The following CDH4 variants were observed in gnomAD, a reference collection of about 807,000 sequenced individuals.
The protein encoded by CDH4 is cadherin-4.
A neutral mutation model predicts 86.0 loss-of-function variants in CDH4; 33 were observed. The ratio of observed to expected loss-of-function variants is 0.38; its 90% confidence interval spans 0.29 to 0.51. The LOEUF is 0.51. Among genes scored for constraint, CDH4 ranks in the 20% least tolerant of loss-of-function variants. CDH4 has a pLI of 0.86. For synonymous variants in CDH4, 555 were observed against 549.4 expected, an observed-to-expected ratio of 1.01 and a Z score of -0.14; for missense variants, 1,114 against 1,307.4, an observed-to-expected ratio of 0.85 and a Z score of 2.28.
At chr20:61,909,337 GC>G (rs930146807) in intron 8 of CDH4, among the ~76,000 whole-genome samples, 3 of 152,186 alleles carry the variant, frequency 2.0e-5, no homozygotes, top group Non-Finnish European at 4.4e-5. Flanking sequence ...GAGCCACAGT[GC>G]CCAGCAGAAG....
intron 2 of CDH4, among the ~76,000 whole-genome samples, chr20:61,422,647 C>A (rs990841800): frequency 6.6e-6 from 1 of 152,090 alleles, no homozygotes; most frequent in African/African-American, 2.4e-5. Flanking sequence ...GGAGAACTTA[C>A]GGATCTGGCT....
At chr20:61,474,675 A>G (rs2085524813) in intron 2 of CDH4, among the ~76,000 whole-genome samples, 1 of 152,082 alleles carries the variant, frequency 6.6e-6, no homozygotes, top group African/African-American at 2.4e-5. Flanking sequence ...CCTTTCTTTA[A>G]AATGTAATTA....
chr20:61,714,611 C>T (rs992534415), intron 2 of CDH4, among the ~76,000 whole-genome samples: 2 of 152,174 alleles, frequency 1.3e-5, no homozygotes, highest in Non-Finnish European at 2.9e-5. Flanking sequence ...CTCTCCATGA[C>T]TTTGTGCTCC....
chr20:61,582,959 C>G lies in CDH4; in HGVS notation c.170-160604C>G, dbSNP rs1326384383. ...CGCCCCCATGGCCCCCGGCCCTAGGCAGCCACTAATCTACTTTCTGTCTCT... is the reference window on the plus strand; with the variant it reads ...CGCCCCCATGGCCCCCGGCCCTAGGGAGCCACTAATCTACTTTCTGTCTCT... On this transcript the variant is annotated intron_variant, in intron 2 of 15. Transcript: ENST00000614565. The surrounding 1 kb of genome is among the most constrained non-coding windows in gnomAD (Gnocchi z 4.2). 6.6e-6 allele frequency among the ~76,000 whole-genome samples: 1 copy of G among 152,078 alleles called. No homozygotes were observed. The highest frequency in any genetic ancestry group is 1.5e-5 in the Non-Finnish European group (1 of 68,022).
At chr20:61,784,108 A>G (rs565475978) in intron 4 of CDH4, among the ~76,000 whole-genome samples, 5 of 27,898 alleles carry the variant, frequency 1.8e-4, no homozygotes, top group South Asian at 4.4e-3. Context: ...AGGCCCTCAG[A>G]TGTCCTGTGC....
At chr20:61,713,411 T>A (rs1362491350) in intron 2 of CDH4, among the ~76,000 whole-genome samples, 1 of 152,224 alleles carries the variant, frequency 6.6e-6, no homozygotes, top group African/African-American at 2.4e-5. Flanking sequence ...TCCTGTGTAC[T>A]CTAAGCGTGG....
chr20:61,268,390 G>C (rs1262282649), intron 2 of CDH4, among the ~76,000 whole-genome samples: 1 of 152,292 alleles, frequency 6.6e-6, no homozygotes, highest in East Asian at 1.9e-4. Flanking sequence ...CCTGCACACG[G>C]GGAGGCCCAG....
chr20:61,783,153 G>C (rs1372130718), intron 4 of CDH4, among the ~76,000 whole-genome samples: 4 of 152,182 alleles, frequency 2.6e-5, no homozygotes, highest in Admixed American at 2.6e-4. Flanking sequence ...CCGTTTATTA[G>C]CACAAATAAG....
rs771791776 is a variant in CDH4 at position 61,939,056 on chromosome 20, G to GT, written c.*2114dup. 1 of 152,430 alleles carries GT rather than the reference G, an allele frequency of 6.6e-6. No individual in the cohort carries two copies. Among genetic ancestry groups the GT allele is most frequent in the Admixed American group, 6.5e-5 (1 of 15,288 alleles). The allele number at this position is 152,430 out of a possible 1,614,324, so 9.4% of individuals were successfully genotyped here. A position where few individuals can be genotyped will look rare whatever the true frequency, so the allele number is the denominator to read the frequency against. ...GCTATGCAAACAAGAATGCTCCTGT[G>GT]TGGGGGGGCATGGCCGTTGGAGGTA... On this transcript the variant is annotated 3_prime_UTR_variant, in exon 16 of 16. Transcript: ENST00000614565.
At chr20:61,265,441 C>T (rs1447727240) in intron 2 of CDH4, among the ~76,000 whole-genome samples, 2 of 152,018 alleles carry the variant, frequency 1.3e-5, no homozygotes, top group African/African-American at 2.4e-5. Context: ...CAGTCCTACA[C>T]GGACTTCAGT....
chr20:61,883,899 CAG>C (rs373857125), intron 7 of CDH4, among the ~76,000 whole-genome samples: 2 of 152,320 alleles, frequency 1.3e-5, no homozygotes, highest in African/African-American at 2.4e-5. Flanking sequence ...GACGGACAGA[CAG>C]AGAGAGGGGG....
At chr20:61,743,053 A>G (rs1169756220) in intron 2 of CDH4, among the ~76,000 whole-genome samples, 1 of 152,160 alleles carries the variant, frequency 6.6e-6, no homozygotes, top group African/African-American at 2.4e-5. Context: ...TGCTGCCAGA[A>G]TCCACCTGCC....
At chr20:61,727,351 A>G (rs1180978105) in intron 2 of CDH4, among the ~76,000 whole-genome samples, 1 of 146,844 alleles carries the variant, frequency 6.8e-6, no homozygotes, top group Admixed American at 6.7e-5. Context: ...CTTCATCACC[A>G]TTGGTACCAT....
At chr20:61,577,579 T>C (rs1360578937) in intron 2 of CDH4, among the ~76,000 whole-genome samples, 1 of 152,186 alleles carries the variant, frequency 6.6e-6, no homozygotes, top group Non-Finnish European at 1.5e-5. Context: ...AGAGCTGAGC[T>C]GAATCTCTGA....
intron 5 of CDH4, among the ~76,000 whole-genome samples, chr20:61,847,409 A>G (rs562189036): frequency 1.3e-5 from 2 of 152,204 alleles, no homozygotes; most frequent in South Asian, 2.1e-4. Context: ...CCACCCCTCT[A>G]TGATTCATTC....
intron 3 of CDH4, among the ~76,000 whole-genome samples, chr20:61,749,096 G>C (rs1370171500): frequency 2.6e-5 from 4 of 152,162 alleles, no homozygotes; most frequent in African/African-American, 7.2e-5. Context: ...GTTAATATCA[G>C]ATGAATAGAA....
At chr20:61,675,843 C>T (rs935639075) in intron 2 of CDH4, among the ~76,000 whole-genome samples, 13 of 152,306 alleles carry the variant, frequency 8.5e-5, no homozygotes, top group Admixed American at 6.5e-4. Context: ...AGGCTTTGGG[C>T]TCAGCCAAGC....
rs549441162 is a variant in CDH4 at position 61,754,840 on chromosome 20, C to G, written c.396+11051C>G. Among the ~76,000 whole-genome samples the G allele has an allele frequency of 3.3e-5, 5 of 150,226 alleles. No individual in the cohort carries two copies. The highest frequency in any genetic ancestry group is 6.6e-5 in the Admixed American group (1 of 15,104). ...ATGCATGCCACACACCACACACATG[C>G]CCCACACACACCACACAGTGCACGC... On this transcript the variant is annotated intron_variant, in intron 3 of 15. Transcript: ENST00000614565. The surrounding 1 kb of genome is among the most constrained non-coding windows in gnomAD (Gnocchi z 4.7).
chr20:61,729,121 C>A (rs59382011), intron 2 of CDH4, among the ~76,000 whole-genome samples: 61,574 of 151,704 alleles, frequency 0.41, 13,915 homozygotes, highest in South Asian at 0.59. Flanking sequence ...CTGACTGCAG[C>A]GTGTTTTGAC....
Sources: gnomAD v4.1 joint callset for allele counts (sites outside exome capture counted in the v4.1 genomes callset) on GRCh38, gnomAD v4.1.1 for gene constraint, Gnocchi (gnomAD v3.1) non-coding constraint, MANE v1.5 for transcripts, NCBI Gene and HGNC (gene_info 2026-07-23, HGNC 2026-07-21) for gene names.